The following NHSL2 variants were observed in gnomAD, a reference collection of about 807,000 sequenced individuals.
The protein encoded by NHSL2 is NHS like 2.
NHSL2 carries 27 observed loss-of-function variants against 53.4 expected under a neutral mutation model. The observed-to-expected ratio is 0.51, with a 90% CI of 0.37 to 0.70. NHSL2 has a LOEUF of 0.70. NHSL2 is among the 30% of genes least tolerant of loss of function. The pLI is 0.00. For missense variants in NHSL2, 892 were observed against 980.1 expected, an observed-to-expected ratio of 0.91 and a Z score of 1.20; for synonymous variants, 408 against 404.1, an observed-to-expected ratio of 1.01 and a Z score of -0.12.
chrX:71,921,610 G>A (rs925110490), intron 1 of NHSL2, among the ~76,000 whole-genome samples: 3 of 111,113 alleles, frequency 2.7e-5, no homozygotes, highest in African/African-American at 9.8e-5. Context: ...GTTTTCTTAC[G>A]TCACCGCCAC....
At chrX:72,141,106 G>A (rs1260240810) in intron 6 of NHSL2, 1 of 176,416 alleles carries the variant, frequency 5.7e-6, no homozygotes, top group African/African-American at 3.1e-5. Context: ...TCCTGTCTTG[G>A]GAACTACTCC....
chrX:71,959,227 G>T (rs1423961468), intron 1 of NHSL2, among the ~76,000 whole-genome samples: 2 of 112,088 alleles, frequency 1.8e-5, no homozygotes, highest in African/African-American at 6.5e-5. Context: ...CCTGCCCAGG[G>T]TGCTACAGCG....
chrX:72,087,981 G>C (rs1402177224), intron 1 of NHSL2, among the ~76,000 whole-genome samples: 1 of 100,430 alleles, frequency 1.0e-5, no homozygotes, highest in African/African-American at 3.3e-5. Context: ...GAGGCGGGCT[G>C]CTCCCCTGGG....
chrX:71,988,940 A>G (rs990072426), intron 1 of NHSL2, among the ~76,000 whole-genome samples: 1 of 112,203 alleles, frequency 8.9e-6, no homozygotes, highest in Non-Finnish European at 1.9e-5. Flanking sequence ...TTAAAGATTT[A>G]GCACCATTGT....
At chrX:72,089,943 G>A (rs778477619) in intron 1 of NHSL2, among the ~76,000 whole-genome samples, 2 of 111,893 alleles carry the variant, frequency 1.8e-5, no homozygotes, top group East Asian at 2.8e-4. Context: ...AGTCTTTTTC[G>A]AAGACTACGC....
chrX:72,055,968 T>C (rs1414399492), intron 1 of NHSL2, among the ~76,000 whole-genome samples: 1 of 112,501 alleles, frequency 8.9e-6, no homozygotes, highest in African/African-American at 3.2e-5. Flanking sequence ...TTTGTTATTG[T>C]TGTTGTTAAA....
intron 1 of NHSL2, among the ~76,000 whole-genome samples, chrX:72,093,768 TTC>T (rs1491060063): frequency 9.2e-6 from 1 of 108,810 alleles, no homozygotes; most frequent in Non-Finnish European, 1.9e-5. Context: ...CTTTCTTTCT[TTC>T]TTTCTTTCTT....
intron 1 of NHSL2, among the ~76,000 whole-genome samples, chrX:72,002,447 C>G (rs56024933): frequency 0.16 from 17,699 of 112,309 alleles, 1,813 homozygotes; most frequent in African/African-American, 0.38. Context: ...GATAATTCTA[C>G]AGTGTGTTAG....
intron 1 of NHSL2, among the ~76,000 whole-genome samples, chrX:71,924,074 A>G (rs1196449645): frequency 1.8e-5 from 2 of 111,961 alleles, no homozygotes; most frequent in Admixed American, 1.9e-4. Flanking sequence ...TAACTTTGCC[A>G]GGCTTTTTGC....
At chrX:72,050,646 C>T (rs1183833576) in intron 1 of NHSL2, among the ~76,000 whole-genome samples, 2 of 111,436 alleles carry the variant, frequency 1.8e-5, no homozygotes, top group African/African-American at 6.5e-5. Flanking sequence ...ATAATCCCAG[C>T]ACTTTGGGAG....
At chrX:72,079,548 A>G (rs777989790) in intron 1 of NHSL2, among the ~76,000 whole-genome samples, 2 of 112,415 alleles carry the variant, frequency 1.8e-5, no homozygotes, top group Non-Finnish European at 3.8e-5. Context: ...GATGACCTCT[A>G]TGTGCTGTAG....
chrX:72,068,846 C>A lies in NHSL2; in HGVS notation c.281-63233C>A, dbSNP rs187132598. 1.1e-4 allele frequency among the ~76,000 whole-genome samples: 12 copies of A among 111,752 alleles called. No homozygotes were observed. In the East Asian group the frequency reaches 3.4e-3, roughly 32 times the overall value. The stretch of plus-strand genomic sequence containing the variant: ...AGAGGGAGGGGAGAGTGGAGTGAGG[C>A]TTCAGGTGTGTCTGACAAGGAAGCA... On this transcript the variant is annotated intron_variant, in intron 1 of 7. Coordinates refer to ENST00000633930, the MANE Select transcript of NHSL2 (RefSeq NM_001013627.3).
intron 1 of NHSL2, among the ~76,000 whole-genome samples, chrX:72,067,599 T>C (rs1192825158): frequency 8.9e-6 from 1 of 112,383 alleles, no homozygotes; most frequent in Non-Finnish European, 1.9e-5. Flanking sequence ...ACCTTGAAGA[T>C]TTTTGCTGTG....
intron 1 of NHSL2, among the ~76,000 whole-genome samples, chrX:71,974,011 C>G (rs1485890962): frequency 8.9e-6 from 1 of 112,148 alleles, no homozygotes; most frequent in Non-Finnish European, 1.9e-5. Context: ...TCAGATGTCA[C>G]AGACTGTATC....
intron 1 of NHSL2, among the ~76,000 whole-genome samples, chrX:72,043,943 T>C (rs781356259): frequency 8.9e-5 from 10 of 112,057 alleles, no homozygotes; most frequent in Admixed American, 9.4e-5. Flanking sequence ...CCAAAGTTTA[T>C]TGGACTCCCC....
intron 1 of NHSL2, among the ~76,000 whole-genome samples, chrX:71,983,602 C>A (rs1054714416): frequency 9.1e-6 from 1 of 109,291 alleles, no homozygotes; most frequent in Non-Finnish European, 1.9e-5. Context: ...CAGAGTGAGA[C>A]CCTGTCTCTA....
At chrX:72,030,546 A>G (rs2042209373) in intron 1 of NHSL2, among the ~76,000 whole-genome samples, 1 of 111,584 alleles carries the variant, frequency 9.0e-6, no homozygotes, top group Admixed American at 9.5e-5. Context: ...CACCCAGATC[A>G]AAATATAGAA....
At chrX:72,105,650 G>T (rs138855812) in intron 1 of NHSL2, among the ~76,000 whole-genome samples, 4,883 of 111,066 alleles carry the variant, frequency 0.044, 292 homozygotes, top group African/African-American at 0.15. Context: ...TCCTTCTGGG[G>T]TGACCTGCAT....
intron 1 of NHSL2, among the ~76,000 whole-genome samples, chrX:72,004,496 G>C (rs1223564953): frequency 8.9e-6 from 1 of 111,886 alleles, no homozygotes; most frequent in Non-Finnish European, 1.9e-5. Flanking sequence ...GATGGCCACG[G>C]CTTGCTCCAG....
Sources: gnomAD v4.1 joint callset for allele counts (sites outside exome capture counted in the v4.1 genomes callset) on GRCh38, gnomAD v4.1.1 for gene constraint, MANE v1.5 for transcripts, NCBI Gene and HGNC (gene_info 2026-07-23, HGNC 2026-07-21) for gene names.